Variants in PHIP observed in about 807,000 individuals in gnomAD.
The protein encoded by PHIP is PHIP subunit of CUL4-Ring ligase complex.
PHIP carries 54 observed loss-of-function variants against 236.8 expected under a neutral mutation model. That is an observed-to-expected ratio of 0.23 (90% CI 0.18 to 0.29). The LOEUF is 0.29. Ranked by LOEUF, PHIP falls within the 10% of genes least tolerant of loss-of-function variation. PHIP has a pLI of 1.00. For synonymous variants in PHIP, 756 were observed against 718.9 expected, an observed-to-expected ratio of 1.05 and a Z score of -0.83; for missense variants, 1,370 against 2,190.8, an observed-to-expected ratio of 0.63 and a Z score of 7.48.
Position 79,002,135 on chromosome 6 carries a change from A to T in PHIP, c.1654-11T>A. On this transcript the variant is annotated splice_polypyrimidine_tract_variant and intron_variant, in intron 16 of 39. Coordinates refer to ENST00000275034, the MANE Select transcript of PHIP (RefSeq NM_017934.7). ...CATCTGATCTGCTATCTGCAAAAAGAAAAGTCCATAAAAGACTGGAAAAAT... is the reference window on the plus strand; with the variant it reads ...CATCTGATCTGCTATCTGCAAAAAGTAAAGTCCATAAAAGACTGGAAAAAT... The T allele has an allele frequency of 1.9e-6, 3 of 1,541,894 alleles. No homozygotes were observed.
chr6:78,941,966 G>GA (rs374506204), intron 39 of PHIP, among the ~76,000 whole-genome samples: 1 of 151,946 alleles, frequency 6.6e-6, no homozygotes, highest in Non-Finnish European at 1.5e-5. Context: ...TTCTGTTGTA[G>GA]AAAAAAATGC....
At chr6:78,955,898 C>A (rs577852853) in intron 32 of PHIP, 3 of 292,880 alleles carry the variant, frequency 1.0e-5, no homozygotes, top group Admixed American at 1.0e-4. Flanking sequence ...TATCATTACA[C>A]CAAACCCAAG....
In PHIP at chr6:79,025,677, T is replaced by C. The variant is rs867907687; in HGVS notation, c.823-58A>G. ...CAAGAGTGACACAGTCAAAATAAAA[T>C]CTACTTTTTGCCATACAAATAGCAA... On this transcript the variant is annotated intron_variant, in intron 8 of 39. Transcript: ENST00000275034. 19 of 1,136,812 alleles carry C rather than the reference T, an allele frequency of 1.7e-5. No homozygotes were observed. In the Middle Eastern group the frequency reaches 3.6e-3, roughly 213 times the overall value. 70.4% of individuals were successfully genotyped at this position (1,136,812 alleles called of 1,614,324 possible). A position where few individuals can be genotyped will look rare whatever the true frequency, so the allele number is the denominator to read the frequency against.
chr6:79,071,156 T>C (rs555467081), intron 4 of PHIP, among the ~76,000 whole-genome samples: 32 of 152,334 alleles, frequency 2.1e-4, no homozygotes, highest in African/African-American at 7.2e-4. Context: ...TAAGCTCAAA[T>C]ACGGCTGTTT....
intron 4 of PHIP, among the ~76,000 whole-genome samples, chr6:79,068,775 T>TTTA (rs1304541605): frequency 6.6e-6 from 1 of 152,238 alleles, no homozygotes; most frequent in Non-Finnish European, 1.5e-5. Flanking sequence ...TGAGCATGTT[T>TTTA]TTAACAACCT....
intron 23 of PHIP, among the ~76,000 whole-genome samples, chr6:78,981,570 C>T (rs1395912757): frequency 6.6e-6 from 1 of 151,864 alleles, no homozygotes; most frequent in Non-Finnish European, 1.5e-5. Flanking sequence ...CATGAAGGAG[C>T]CCATGGTATT....
rs754470249 is a variant in PHIP, at chr6:78,965,784, T to C, written c.3318-20A>G. On this transcript the variant is annotated intron_variant, in intron 28 of 39. Coordinates refer to ENST00000275034, the MANE Select transcript of PHIP (RefSeq NM_017934.7). ...TCCCAGCTTAAAGAAAGAAAAATCA[T>C]TATATTAAAAAATCTAAATTATTGT... The C allele has an allele frequency of 1.8e-5, 25 of 1,419,760 alleles. No individual in the cohort carries two copies. In the Middle Eastern group the frequency reaches 3.8e-3, roughly 216 times the overall value. 87.9% of individuals were successfully genotyped at this position (1,419,760 alleles called of 1,614,324 possible). A position where few individuals can be genotyped will look rare whatever the true frequency, so the allele number is the denominator to read the frequency against.
At chr6:79,077,634 C>T (rs1774245699) in intron 3 of PHIP, 66 bp downstream of exon 3, 1 of 909,824 alleles carries the variant, frequency 1.1e-6, no homozygotes, top group Non-Finnish European at 1.3e-6. Flanking sequence ...GCGGCGGCAG[C>T]GGCGGCGCAG....
chr6:78,945,176 A>G, intron 39 of PHIP, 124 bp downstream of exon 39: 3 of 694,042 alleles, frequency 4.3e-6, no homozygotes, highest in Non-Finnish European at 7.6e-6. Flanking sequence ...AAATTTATCA[A>G]CTAATACAGA....
Position 78,937,878 on chromosome 6 carries a change from G to C in PHIP, c.*2815C>G, listed in dbSNP as rs1415920592. 1 of 151,552 alleles carries C rather than the reference G, an allele frequency of 6.6e-6. No homozygotes were observed. Among genetic ancestry groups the C allele is most frequent in the Non-Finnish European group, 1.5e-5 (1 of 67,602 alleles). The allele number at this position is 151,552 out of a possible 1,614,324, so 9.4% of individuals were successfully genotyped here. On this transcript the variant is annotated 3_prime_UTR_variant, in exon 40 of 40. Transcript: ENST00000275034. The stretch of plus-strand genomic sequence containing the variant: ...TTGGAGTTGAGGGAGAGAATACTAG[G>C]GTTGGGTACTTAGAAATACCTAAAT...
At chr6:79,015,594 C>G (rs769541723) in intron 14 of PHIP, 36 bp downstream of exon 14, 1 of 1,446,198 alleles carries the variant, frequency 6.9e-7, no homozygotes, top group Non-Finnish European at 9.5e-7. Context: ...TAGTCAGCTT[C>G]AGTTATATCA....
chr6:78,942,484 A>AAAAAC (rs1012976452), intron 39 of PHIP, among the ~76,000 whole-genome samples: 30 of 152,300 alleles, frequency 2.0e-4, no homozygotes, highest in African/African-American at 3.1e-4. Flanking sequence ...ACTCCATCTC[A>AAAAAC]AAAACAAAAC....
intron 4 of PHIP, among the ~76,000 whole-genome samples, chr6:79,061,279 T>A (rs1012341332): frequency 2.0e-5 from 3 of 152,194 alleles, no homozygotes; most frequent in Non-Finnish European, 4.4e-5. Context: ...ATTGTATTAC[T>A]TCATAATTAG....
At chr6:78,987,136 C>A (rs1768917384) in intron 21 of PHIP, among the ~76,000 whole-genome samples, 2 of 152,014 alleles carry the variant, frequency 1.3e-5, no homozygotes, top group African/African-American at 2.4e-5. Flanking sequence ...TTTGAAGACA[C>A]TTGAAGGACT....
At chr6:79,064,785 T>TG (rs1406466013) in intron 4 of PHIP, among the ~76,000 whole-genome samples, 1 of 152,200 alleles carries the variant, frequency 6.6e-6, no homozygotes, top group Non-Finnish European at 1.5e-5. Context: ...TTCTTCTCAC[T>TG]ATATACTCTC....
intron 4 of PHIP, among the ~76,000 whole-genome samples, chr6:79,074,744 A>C (rs1273726109): frequency 1.3e-5 from 2 of 152,138 alleles, no homozygotes; most frequent in Non-Finnish European, 1.5e-5. Flanking sequence ...TGAACGCATC[A>C]ATTTTAACCT....
intron 4 of PHIP, among the ~76,000 whole-genome samples, chr6:79,069,651 T>A (rs1773792631): frequency 6.6e-6 from 1 of 152,068 alleles, no homozygotes; most frequent in Non-Finnish European, 1.5e-5. Context: ...TTTCTCCCCA[T>A]CGACACGTAG....
In PHIP at chr6:78,985,365, C is replaced by T; in HGVS notation, c.2524G>A (p.Asp842Asn). 1 of 1,582,616 alleles carries T rather than the reference C, an allele frequency of 6.3e-7. No homozygotes were observed. Among genetic ancestry groups the T allele is most frequent in the Non-Finnish European group, 8.7e-7 (1 of 1,151,428 alleles). Residue 842 changes from aspartate (D) to asparagine (N), a missense_variant, in exon 22 of 40, where the codon GAT becomes AAT. This residue lies in a region of PHIP where 99 missense variants were observed against 110.0 expected (regional missense o/e 0.90). Coordinates refer to ENST00000275034, the MANE Select transcript of PHIP (RefSeq NM_017934.7). ...SEEEERAWHS[D>N]GSSSDYSSDY... Reference sequence around the variant, plus strand: ...GCATTCATTTACCTAGAACTGCCATCACTGTGCCATGCTCTCTCTTCTTCT... The same window carrying T: ...GCATTCATTTACCTAGAACTGCCATTACTGTGCCATGCTCTCTCTTCTTCT...
At chr6:79,013,299 G>C (rs1770683518) in intron 15 of PHIP, among the ~76,000 whole-genome samples, 1 of 151,502 alleles carries the variant, frequency 6.6e-6, no homozygotes, top group African/African-American at 2.4e-5. Flanking sequence ...TGAGATGAAG[G>C]GTGGCTCACT....
Sources: gnomAD v4.1 joint callset for allele counts (sites outside exome capture counted in the v4.1 genomes callset) on GRCh38, gnomAD v4.1.1 for gene constraint, gnomAD v4.1.1 regional missense constraint, MANE v1.5 for transcripts, NCBI Gene and HGNC (gene_info 2026-07-23, HGNC 2026-07-21) for gene names.